Variants in RFX8 observed in about 807,000 individuals in gnomAD.
RFX8 encodes the protein regulatory factor X8.
In RFX8, 46 loss-of-function variants were observed where a neutral mutation model predicts 54.6. The ratio of observed to expected loss-of-function variants is 0.84; its 90% CI spans 0.67 to 1.08. The LOEUF is 1.08. RFX8 is among the 50% of genes least tolerant of loss of function. The pLI is 0.00. For missense variants in RFX8, 536 were observed against 562.3 expected (o/e 0.95, Z 0.47); for synonymous variants, 192 against 209.5 (o/e 0.92, Z 0.72).
In RFX8 at chr2:101,414,856, T is replaced by C. The variant is rs1342289970; in HGVS notation, c.559A>G (p.Lys187Glu). 2.6e-6 allele frequency: 4 copies of C among 1,549,560 alleles called. No homozygotes were observed. The Admixed American group carries it at 5.9e-5, about 23-fold the overall frequency. Residue 187 changes from lysine to glutamate, a missense_variant and splice_region_variant, in exon 7 of 12, where the codon AAG becomes GAG. Transcript: ENST00000428343. ...RRKTYLSNMA[K>E]TMRMVLKSKR... is the part of the protein sequence containing the mutation. ...CTATCTGCTTGGCTGAAGCCTACCT[T>C]AGCCATGTTGGAAAGGTACGTCTTT... is the stretch of plus-strand genomic sequence containing the variant.
chr2:101,433,680 C>T lies in RFX8; in HGVS notation c.73-11208G>A, dbSNP rs551603490. On this transcript the variant is annotated intron_variant, in intron 2 of 11. Coordinates refer to ENST00000428343, the MANE Select transcript of RFX8 (RefSeq NM_001145664.2). The stretch of plus-strand genomic sequence containing the variant: ...TCATTTTGGCATCATAAATTGCCCT[C>T]GCAAATCACTCTAACCAGTGGTGAA... Among the ~76,000 whole-genome samples the T allele has an allele frequency of 1.1e-4, 16 of 152,270 alleles. 1 individual carries two copies. Among genetic ancestry groups the T allele is most frequent in the African/African-American group, 3.1e-4 (13 of 41,550 alleles).
At chr2:101,420,913 T>C (rs1473920915) in intron 4 of RFX8, among the ~76,000 whole-genome samples, 2 of 152,234 alleles carry the variant, frequency 1.3e-5, no homozygotes, top group Admixed American at 1.3e-4. Context: ...GAGAATACTT[T>C]CCTAGTCCTG....
At chr2:101,399,339 T>G (rs1398979556) in intron 11 of RFX8, among the ~76,000 whole-genome samples, 3 of 152,186 alleles carry the variant, frequency 2.0e-5, no homozygotes. Flanking sequence ...GAGCGTAACT[T>G]TTTGGTGTGA....
intron 5 of RFX8, 51 bp from the exon 6 acceptor site, chr2:101,417,735 G>A (rs1686615216): frequency 6.8e-7 from 1 of 1,470,096 alleles, no homozygotes; most frequent in South Asian, 1.4e-5. Flanking sequence ...TGCAGGTGTG[G>A]CTGAAGCTTA....
rs766263199 is a variant in RFX8 at position 101,422,416 on chromosome 2, G to A, written c.129C>T (p.Phe43=). 1.9e-6 allele frequency: 3 copies of A among 1,550,178 alleles called. No homozygotes were observed. The highest frequency in any genetic ancestry group is 2.6e-6 in the Non-Finnish European group (3 of 1,145,692). Residue 43 remains phenylalanine (F), a synonymous_variant, in exon 3 of 12, where the codon TTC becomes TTT. Transcript: ENST00000428343. ...CTTGCTCCAGAAATGGACATCTCCT[G>A]AATTCAGACAAAGGGGATCCAACTG... ...TDPVGSPLSE[F]RRCPFLEQEQ... is the part of the protein sequence containing the mutation.
At chr2:101,440,637 A>T (rs1212306285) in intron 2 of RFX8, among the ~76,000 whole-genome samples, 1 of 152,148 alleles carries the variant, frequency 6.6e-6, no homozygotes, top group Non-Finnish European at 1.5e-5. Context: ...CTCTTTTTCC[A>T]TCATGATCCT....
At chr2:101,448,522 T>C (rs1280112219) in intron 2 of RFX8, among the ~76,000 whole-genome samples, 1 of 152,246 alleles carries the variant, frequency 6.6e-6, no homozygotes, top group African/African-American at 2.4e-5. Context: ...AGGCCCTTCA[T>C]GATCCCCTAC....
chr2:101,419,156 C>A (rs1442486046), intron 4 of RFX8, among the ~76,000 whole-genome samples, 192 bp from the exon 5 acceptor site: 2 of 152,278 alleles, frequency 1.3e-5, no homozygotes, highest in Middle Eastern at 3.4e-3. Flanking sequence ...TCTGAGAGCA[C>A]CTGCCAGTTG....
chr2:101,447,587 A>G (rs1407146030), intron 2 of RFX8, among the ~76,000 whole-genome samples: 1 of 152,150 alleles, frequency 6.6e-6, no homozygotes, highest in African/African-American at 2.4e-5. Flanking sequence ...TACCTTAAAC[A>G]CTTATTATTT....
At chr2:101,450,212 T>C (rs1286954040) in intron 2 of RFX8, among the ~76,000 whole-genome samples, 1 of 152,134 alleles carries the variant, frequency 6.6e-6, no homozygotes, top group Non-Finnish European at 1.5e-5. Flanking sequence ...CTTTTATTTA[T>C]TAATTTATTA....
At position 101,454,816 on chromosome 2, in the gene RFX8, G is replaced by A. The variant is rs937526597; in HGVS notation, c.72+11961C>T. On this transcript the variant is annotated intron_variant, in intron 2 of 11. Transcript: ENST00000428343. ...ATATTAGCCCTTTGTCAGATGGGTA[G>A]ATTGTAAAAATTTTCTCCCATTCTG... 3.3e-5 allele frequency among the ~76,000 whole-genome samples: 5 copies of A among 152,152 alleles called. No individual in the cohort carries two copies. The South Asian group carries it at 8.3e-4, about 25-fold the overall frequency.
chr2:101,403,279 C>T (rs1440252057), intron 10 of RFX8, among the ~76,000 whole-genome samples: 1 of 152,068 alleles, frequency 6.6e-6, no homozygotes, highest in Non-Finnish European at 1.5e-5. Context: ...CTGTGAGAGG[C>T]GTCTTCTCAG....
chr2:101,421,549 T>C (rs1457070235), intron 4 of RFX8, 175 bp downstream of exon 4: 7 of 1,335,084 alleles, frequency 5.2e-6, no homozygotes, highest in Non-Finnish European at 6.7e-6. Flanking sequence ...CGATCTCACC[T>C]TCCAGAACTC....
intron 3 of RFX8, among the ~76,000 whole-genome samples, 191 bp downstream of exon 3, chr2:101,422,171 G>C (rs1359684976): frequency 6.6e-6 from 1 of 152,164 alleles, no homozygotes; most frequent in Non-Finnish European, 1.5e-5. Context: ...CCTTGCCATA[G>C]GATGTGATAG....
intron 1 of RFX8, among the ~76,000 whole-genome samples, chr2:101,469,006 A>G (rs1238252567): frequency 3.6e-4 from 11 of 30,336 alleles, no homozygotes; most frequent in East Asian, 1.5e-3. Flanking sequence ...ATATATACGT[A>G]TATATATATA....
chr2:101,405,968 C>T lies in RFX8; in HGVS notation c.903G>A (p.Met301Ile). The change falls in exon 10 of 12, where the codon ATG becomes ATA. Residue 301 changes from methionine to isoleucine, a missense_variant. Coordinates refer to ENST00000428343, the MANE Select transcript of RFX8 (RefSeq NM_001145664.2). ...CAAAACTATCTCTGTGGCAGAGGGTCATGGCTTTGCTTACAGCAGTGAGAA... is the reference window on the plus strand; with the variant it reads ...CAAAACTATCTCTGTGGCAGAGGGTTATGGCTTTGCTTACAGCAGTGAGAA... ...NLLLTAVSKA[M>I]TLCHRDSFGS... 1 of 1,545,398 alleles carries T rather than the reference C, an allele frequency of 6.5e-7. No homozygotes were observed. Among genetic ancestry groups the T allele is most frequent in the South Asian group, 1.2e-5 (1 of 82,368 alleles).
intron 2 of RFX8, among the ~76,000 whole-genome samples, chr2:101,451,803 C>G (rs991909259): frequency 6.6e-6 from 1 of 151,766 alleles, no homozygotes; most frequent in African/African-American, 2.4e-5. Flanking sequence ...GTAATTAAAA[C>G]AGCTCCAAGG....
chr2:101,469,685 T>C (rs2149000004), intron 1 of RFX8, among the ~76,000 whole-genome samples: 1 of 152,246 alleles, frequency 6.6e-6, no homozygotes, highest in East Asian at 1.9e-4. Flanking sequence ...GTTTTCCATG[T>C]TTGCTGATTG....
chr2:101,439,347 C>A (rs1337536924), intron 2 of RFX8, among the ~76,000 whole-genome samples: 1 of 152,128 alleles, frequency 6.6e-6, no homozygotes, highest in Admixed American at 6.6e-5. Flanking sequence ...TCTTTCCCTC[C>A]TCTTCACATG....
Sources: allele counts gnomAD v4.1 joint callset (sites outside exome capture counted in the v4.1 genomes callset), GRCh38; gene constraint gnomAD v4.1.1; transcripts MANE v1.5; gene names NCBI Gene and HGNC (gene_info 2026-07-23, HGNC 2026-07-21).